GGA3: variants seen among roughly 807,000 people sequenced by gnomAD.
The protein encoded by GGA3 is golgi associated, gamma adaptin ear containing, ARF binding protein 3.
In GGA3, 57 loss-of-function variants were observed where a neutral mutation model predicts 77.5. The observed-to-expected ratio is 0.74, with a 90% confidence interval of 0.59 to 0.92. The LOEUF (loss-of-function observed/expected upper bound fraction) is 0.92, where lower values mean the gene tolerates loss of function less well. GGA3 is among the 40% of genes least tolerant of loss of function. The pLI, the probability that GGA3 is intolerant of heterozygous loss-of-function variation, is 0.00. For synonymous variants in GGA3, 416 were observed against 383.7 expected (o/e 1.08, Z -0.98); for missense variants, 970 against 914.9 (o/e 1.06, Z -0.78).
At chr17:75,256,016 A>C (rs1055861029) in intron 1 of GGA3, among the ~76,000 whole-genome samples, 4 of 152,134 alleles carry the variant, frequency 2.6e-5, no homozygotes, top group African/African-American at 9.7e-5. Flanking sequence ...CATAATTCTC[A>C]TGAAAACACA....
chr17:75,240,578 A>G (rs539226623), intron 11 of GGA3, 166 bp from the exon 12 acceptor site: 9 of 657,178 alleles, frequency 1.4e-5, no homozygotes, highest in African/African-American at 3.6e-5. Context: ...GCTCCAGTCC[A>G]TGATGCAGAA....
chr17:75,238,864 C>A (rs372432811), intron 15 of GGA3, 50 bp downstream of exon 15: 1 of 1,603,256 alleles, frequency 6.2e-7, no homozygotes, highest in African/African-American at 1.3e-5. Flanking sequence ...AAGGCCTCTA[C>A]ACAACAGGGT....
chr17:75,244,725 C>T lies in GGA3; in HGVS notation c.202-8G>A, dbSNP rs2076695454. ...CATGCATGCCTCCAGCACCTGTAGC[C>T]GCACAGAGGAGAGGCGCTCAGTGAG... On this transcript the variant is annotated splice_region_variant and splice_polypyrimidine_tract_variant and intron_variant, in intron 3 of 16. Coordinates refer to ENST00000537686, the MANE Select transcript of GGA3 (RefSeq NM_138619.4). 6.2e-6 allele frequency: 10 copies of T among 1,605,426 alleles called. No individual in the cohort carries two copies. The highest frequency in any genetic ancestry group is 2.2e-5 in the East Asian group (1 of 44,846).
intron 1 of GGA3, among the ~76,000 whole-genome samples, chr17:75,249,225 T>G (rs2076876749): frequency 6.6e-6 from 1 of 150,786 alleles, no homozygotes; most frequent in African/African-American, 2.5e-5. Context: ...TTTGTATTTT[T>G]AGTAGAGATG....
Position 75,241,665 on chromosome 17 carries a change from C to A in GGA3, c.779G>T (p.Arg260Leu). The A allele has an allele frequency of 1.2e-6, 2 of 1,614,106 alleles. No individual in the cohort carries two copies. The highest frequency in any genetic ancestry group is 2.2e-5 in the South Asian group (2 of 91,078). Residue 260 changes from arginine to leucine, a missense_variant, in exon 9 of 17, where the codon CGG becomes CTG. Coordinates refer to ENST00000537686, the MANE Select transcript of GGA3 (RefSeq NM_138619.4). ...CTCACTGGCGAGTTTAAATAAAGTCCGCCTCTTGTTCTCACACTGATCAAA... is the reference window on the plus strand; with the variant it reads ...CTCACTGGCGAGTTTAAATAAAGTCAGCCTCTTGTTCTCACACTGATCAAA... ...ELFDQCENKR[R>L]TLFKLASETE...
At chr17:75,251,579 G>A (rs150585733) in intron 1 of GGA3, among the ~76,000 whole-genome samples, 10,149 of 151,458 alleles carry the variant, frequency 0.067, 453 homozygotes, top group Middle Eastern at 0.12. Flanking sequence ...AGTGGCAGGC[G>A]CCTGTAATCC....
chr17:75,239,829 G>A lies in GGA3; in HGVS notation c.1543C>T (p.His515Tyr), dbSNP rs1273405353. Residue 515 changes from histidine (H) to tyrosine (Y), a missense_variant, in exon 13 of 17, where the codon CAC (histidine) becomes TAC (tyrosine). Physicochemically the swap from His to Tyr is moderately conservative, Grantham distance 83. Transcript: ENST00000537686. ...AGAAGCTGATCGAGGGCATCCAGGT[G>A]GTGCAGCGCGCTGTTGCCCAACGCC... ...GLALGNSALH[H>Y]LDALDQLLEE... 2 of 1,613,860 alleles carry A rather than the reference G, an allele frequency of 1.2e-6. No homozygotes were observed. The highest frequency in any genetic ancestry group is 1.7e-6 in the Non-Finnish European group (2 of 1,180,048).
At chr17:75,261,520 G>A (rs779663993) in intron 1 of GGA3, 28 bp downstream of exon 1, 119 of 1,498,752 alleles carry the variant, frequency 7.9e-5, no homozygotes, top group Middle Eastern at 2.1e-4. Flanking sequence ...CGGCTCGAGG[G>A]CAGGCAGAAA....
upstream of GGA3, chr17:75,261,888 G>C: frequency 6.2e-7 from 1 of 1,607,176 alleles, no homozygotes; most frequent in Non-Finnish European, 8.5e-7. Context: ...TGGGGTCCTC[G>C]TGGCCAGCCA....
In GGA3 at chr17:75,239,487, C is replaced by A. The variant is rs1254485351; in HGVS notation, c.1668G>T (p.Gly556=). The change falls in exon 14 of 17, where the codon GGG becomes GGT. Residue 556 remains glycine, a synonymous_variant. Transcript: ENST00000537686. ...PARPLLPFST[G]PGSPLFQPLS... ...GTGGCTGGAAGAGCGGGCTGCCGGG[C>A]CCCGTGGAGAAGGGCAGGAGGGGCC... 7.6e-6 allele frequency: 12 copies of A among 1,578,464 alleles called. No individual in the cohort carries two copies. The South Asian group carries it at 1.2e-4, about 15-fold the overall frequency.
rs1381052889 is a variant in GGA3, at chr17:75,241,454, C to T, written c.892G>A (p.Glu298Lys). 9 of 1,613,944 alleles carry T rather than the reference C, an allele frequency of 5.6e-6. No individual in the cohort carries two copies. Among genetic ancestry groups the T allele is most frequent in the Non-Finnish European group, 7.6e-6 (9 of 1,179,962 alleles). The change falls in exon 10 of 17, where the codon GAA becomes AAA. Residue 298 changes from glutamate (E) to lysine (K), a missense_variant. Transcript: ENST00000537686. Reference protein sequence around the residue: ...RVINSYKTIIEGQVINGEVAT... With the variant: ...RVINSYKTIIKGQVINGEVAT... ...ACCTCGCCATTGATGACCTGCCCTT[C>T]AATAATTGTTTTGTAAGAGTTGATG...
In GGA3 at chr17:75,238,988, C is replaced by A; in HGVS notation, c.1876G>T (p.Val626Leu). ...ECPPGRPDVLVVVVSMLNTAP... is the reference protein window; with the variant it reads ...ECPPGRPDVLLVVVSMLNTAP... ...GTGTTCAGCATGGACACCACCACCA[C>A]CAGCACGTCAGGTCGTCCTGGGGGA... is the stretch of plus-strand genomic sequence containing the variant. Residue 626 changes from valine (V) to leucine (L), a missense_variant, in exon 15 of 17, where the codon GTG (valine) becomes TTG (leucine). Coordinates refer to ENST00000537686, the MANE Select transcript of GGA3 (RefSeq NM_138619.4). The A allele has an allele frequency of 6.2e-7, 1 of 1,614,132 alleles. No homozygotes were observed. The highest frequency in any genetic ancestry group is 8.5e-7 in the Non-Finnish European group (1 of 1,180,028).
rs572645971 is a variant in GGA3, at chr17:75,238,035, C to G, written c.*244G>C. ...ACAGCAGTGAAGTCAGGGGCCACTCCGCACCCCTGACAGCATATGGCCACT... is the reference window on the plus strand; with the variant it reads ...ACAGCAGTGAAGTCAGGGGCCACTCGGCACCCCTGACAGCATATGGCCACT... On this transcript the variant is annotated 3_prime_UTR_variant, in exon 17 of 17. Coordinates refer to ENST00000537686, the MANE Select transcript of GGA3 (RefSeq NM_138619.4). 9.9e-6 allele frequency: 13 copies of G among 1,306,934 alleles called. No homozygotes were observed. The African/African-American group carries it at 1.8e-4, about 18-fold the overall frequency. 81.0% of individuals were successfully genotyped at this position (1,306,934 alleles called of 1,614,324 possible).
At chr17:75,239,326 G>A (rs373131942) in intron 14 of GGA3, 49 bp downstream of exon 14, 17 of 1,434,348 alleles carry the variant, frequency 1.2e-5, no homozygotes, top group Admixed American at 2.3e-5. Flanking sequence ...CTACAGCTCC[G>A]TGGCTATAGG....
chr17:75,244,570 A>G (rs747361632), intron 4 of GGA3, 49 bp downstream of exon 4: 19 of 1,111,506 alleles, frequency 1.7e-5, no homozygotes, highest in Non-Finnish European at 2.5e-5. Context: ...GGAGATGGGA[A>G]TGAACACAAA....
intron 11 of GGA3, 96 bp downstream of exon 11, chr17:75,240,716 G>T: frequency 1.5e-6 from 2 of 1,367,280 alleles, no homozygotes; most frequent in Non-Finnish European, 2.0e-6. Flanking sequence ...CACCCCAACA[G>T]TCACACTGGG....
Position 75,239,815 on chromosome 17 carries a change from G to A in GGA3, c.1557C>T (p.Leu519=), listed in dbSNP as rs762026502. 220 of 1,613,688 alleles carry A rather than the reference G, an allele frequency of 1.4e-4. No individual in the cohort carries two copies. The highest frequency in any genetic ancestry group is 1.7e-4 in the Non-Finnish European group (203 of 1,180,034). Residue 519 remains leucine, a synonymous_variant, in exon 13 of 17, where the codon CTC becomes CTT. Coordinates refer to ENST00000537686, the MANE Select transcript of GGA3 (RefSeq NM_138619.4). ...CTTTGGCCTCTTCTAGAAGCTGATC[G>A]AGGGCATCCAGGTGGTGCAGCGCGC... ...GNSALHHLDA[L]DQLLEEAKVT... is the part of the protein sequence containing the mutation.
rs570415602 is a variant in GGA3, at chr17:75,257,011, G to A, written c.40+4537C>T. On this transcript the variant is annotated intron_variant, in intron 1 of 16. Transcript: ENST00000537686. ...TCAAATCAGCCAAGCAGTTTCTCAG[G>A]CTCTTAGTATTCAGTGAAACCTTTA... Among the ~76,000 whole-genome samples, 4 of 152,038 alleles carry A rather than the reference G, an allele frequency of 2.6e-5. No homozygotes were observed. In the East Asian group the frequency reaches 7.7e-4, roughly 29 times the overall value.
At chr17:75,262,088 T>C, upstream of GGA3, 1 of 1,342,764 alleles carries the variant, frequency 7.4e-7, no homozygotes, top group South Asian at 1.2e-5. Context: ...GGGGCCGGAG[T>C]ATCTGGATTC....
Sources: allele counts gnomAD v4.1 joint callset (sites outside exome capture counted in the v4.1 genomes callset), GRCh38; gene constraint gnomAD v4.1.1; transcripts MANE v1.5; gene names NCBI Gene and HGNC (gene_info 2026-07-23, HGNC 2026-07-21).